The following CNNM2 variants were observed in gnomAD, a reference collection of about 807,000 sequenced individuals.
CNNM2 encodes the protein cyclin and CBS domain divalent metal cation transport mediator 2, also known as metal transporter CNNM2.
CNNM2 carries 12 observed loss-of-function variants against 66.9 expected under a neutral mutation model. The ratio of observed to expected loss-of-function variants is 0.18; its 90% CI spans 0.11 to 0.29. The LOEUF is 0.29. CNNM2 is among the 10% of genes least tolerant of loss of function. The pLI, the probability that CNNM2 is intolerant of heterozygous loss-of-function variation, is 1.00. For missense variants in CNNM2, 705 were observed against 1,167.7 expected (o/e 0.60, Z 5.77); for synonymous variants, 557 against 501.8 (o/e 1.11, Z -1.47).
At chr10:103,073,995 G>A (rs1483814941) in intron 6 of CNNM2, among the ~76,000 whole-genome samples, 1 of 150,880 alleles carries the variant, frequency 6.6e-6, no homozygotes, top group African/African-American at 2.4e-5. Flanking sequence ...GACCTTATAA[G>A]ATGGGTACCA....
At chr10:103,052,556 C>G (rs1472049646) in intron 2 of CNNM2, among the ~76,000 whole-genome samples, 1 of 150,720 alleles carries the variant, frequency 6.6e-6, no homozygotes, top group Non-Finnish European at 1.5e-5. Flanking sequence ...CTCTATTGCC[C>G]AGGCTGGAGT....
chr10:102,982,409 C>T (rs952077062), intron 1 of CNNM2, among the ~76,000 whole-genome samples: 3 of 152,158 alleles, frequency 2.0e-5, no homozygotes, highest in Non-Finnish European at 4.4e-5. Context: ...ATGATTAGAT[C>T]TCAGGAATAG....
chr10:102,957,219 C>T (rs1334654947), intron 1 of CNNM2, among the ~76,000 whole-genome samples: 5 of 152,140 alleles, frequency 3.3e-5, no homozygotes, highest in South Asian at 2.1e-4. Flanking sequence ...GCAGGAGAAT[C>T]GCCTTGTACC....
At chr10:102,982,578 T>G (rs2063734820) in intron 1 of CNNM2, among the ~76,000 whole-genome samples, 1 of 152,244 alleles carries the variant, frequency 6.6e-6, no homozygotes. Flanking sequence ...CTAGCTGCAT[T>G]CCCCTGTGTA....
intron 1 of CNNM2, among the ~76,000 whole-genome samples, chr10:102,984,794 C>T (rs924659110): frequency 6.6e-6 from 1 of 152,088 alleles, no homozygotes; most frequent in African/African-American, 2.4e-5. Context: ...CTACAGGCGC[C>T]TGTCACTACG....
At chr10:102,934,933 C>T (rs987956320) in intron 1 of CNNM2, among the ~76,000 whole-genome samples, 1 of 151,310 alleles carries the variant, frequency 6.6e-6, no homozygotes, top group Non-Finnish European at 1.5e-5. Flanking sequence ...CTGAGGAGGG[C>T]CAATCACCTG....
At chr10:102,989,355 G>A (rs1395955991) in intron 1 of CNNM2, among the ~76,000 whole-genome samples, 1 of 151,880 alleles carries the variant, frequency 6.6e-6, no homozygotes, top group Admixed American at 6.6e-5. Flanking sequence ...AGCTGGGGTC[G>A]TCTTTATTTT....
Position 103,022,795 on chromosome 10 carries a change from G to C in CNNM2, c.1622-26912G>C, listed in dbSNP as rs541417404. Reference sequence around the variant, plus strand: ...TACAGGAAGCATGGCACTGGCATCTGCTCCTGGTGAGGGTCTCAGGAAGTT... The same window carrying C: ...TACAGGAAGCATGGCACTGGCATCTCCTCCTGGTGAGGGTCTCAGGAAGTT... On this transcript the variant is annotated intron_variant, in intron 1 of 7. Transcript: ENST00000369878. 6.6e-5 allele frequency among the ~76,000 whole-genome samples: 10 copies of C among 152,320 alleles called. No individual in the cohort carries two copies. The South Asian group carries it at 1.5e-3, about 22-fold the overall frequency.
At chr10:103,066,892 C>G (rs536758391) in intron 4 of CNNM2, among the ~76,000 whole-genome samples, 73 of 152,144 alleles carry the variant, frequency 4.8e-4, no homozygotes, top group African/African-American at 1.7e-3. Context: ...AGCACCTGCC[C>G]ATTTGCAGGT....
At chr10:103,015,980 C>T (rs989107516) in intron 1 of CNNM2, among the ~76,000 whole-genome samples, 4 of 152,174 alleles carry the variant, frequency 2.6e-5, no homozygotes, top group Admixed American at 2.6e-4. Flanking sequence ...TGCCCCCTTA[C>T]AGCTTTTAAG....
intron 6 of CNNM2, 42 bp from the exon 7 acceptor site, chr10:103,076,044 T>C (rs2065684826): frequency 3.2e-6 from 5 of 1,543,918 alleles, no homozygotes; most frequent in Non-Finnish European, 4.4e-6. Flanking sequence ...ATTGGCTGTA[T>C]CTACTTCACT....
In CNNM2 at chr10:103,054,571, G is replaced by A; in HGVS notation, c.1903+105G>A. The A allele has an allele frequency of 8.6e-7, 1 of 1,157,994 alleles. No individual in the cohort carries two copies. Among genetic ancestry groups the A allele is most frequent in the Non-Finnish European group, 1.2e-6 (1 of 811,134 alleles). The allele number at this position is 1,157,994 out of a possible 1,614,324, so 71.7% of individuals were successfully genotyped here. ...GGGGGTGGACACTGGGAAATGGGGT[G>A]ATAAGTAATGCCACTTTTGTGTTTT... is the stretch of plus-strand genomic sequence containing the variant. On this transcript the variant is annotated intron_variant, in intron 3 of 7. Transcript: ENST00000369878. The surrounding 1 kb of genome is among the most constrained non-coding windows in gnomAD (Gnocchi z 5.2).
At chr10:103,049,096 C>T (rs765466569) in intron 1 of CNNM2, among the ~76,000 whole-genome samples, 9 of 152,128 alleles carry the variant, frequency 5.9e-5, no homozygotes, top group Admixed American at 5.9e-4. Flanking sequence ...TCTTCCCGCC[C>T]GGGCCTCCCA....
rs140278802 is a variant in CNNM2, at chr10:103,034,912, G to A, written c.1622-14795G>A. On this transcript the variant is annotated intron_variant, in intron 1 of 7. Coordinates refer to ENST00000369878, the MANE Select transcript of CNNM2 (RefSeq NM_017649.5). ...ACCCGGGAAGCGGAGCTTGCAGTGA[G>A]CCGAGATTGCGCCACTGCAGTCTGC... Among the ~76,000 whole-genome samples the A allele has an allele frequency of 5.0e-3, 735 of 147,492 alleles. 14 individuals carry two copies. The highest frequency in any genetic ancestry group is 7.6e-3 in the East Asian group (38 of 5,006).
chr10:102,965,667 T>G (rs183045794), intron 1 of CNNM2, among the ~76,000 whole-genome samples: 1 of 152,338 alleles, frequency 6.6e-6, no homozygotes, highest in African/African-American at 2.4e-5. Flanking sequence ...TGTTTGGCCT[T>G]TGTCTACTCT....
intron 1 of CNNM2, among the ~76,000 whole-genome samples, chr10:102,977,032 CA>C (rs1473684020): frequency 2.0e-5 from 3 of 152,008 alleles, no homozygotes; most frequent in Non-Finnish European, 4.4e-5. Flanking sequence ...GTATTGGGTA[CA>C]GGGAGGCTCA....
Position 103,077,287 on chromosome 10 carries a change from T to C in CNNM2, c.*107T>C, listed in dbSNP as rs1395265497. 7 of 972,678 alleles carry C rather than the reference T, an allele frequency of 7.2e-6. No individual in the cohort carries two copies. The highest frequency in any genetic ancestry group is 1.1e-5 in the Non-Finnish European group (7 of 651,444). 60.3% of individuals were successfully genotyped at this position (972,678 alleles called of 1,614,324 possible). A position where few individuals can be genotyped will look rare whatever the true frequency, so the allele number is the denominator to read the frequency against. ...TGAGCTTGTCCGCCATGCTGTACCCTGCAACATCCTGAGACCAAAGACCTT... is the reference window on the plus strand; with the variant it reads ...TGAGCTTGTCCGCCATGCTGTACCCCGCAACATCCTGAGACCAAAGACCTT... On this transcript the variant is annotated 3_prime_UTR_variant, in exon 8 of 8. Coordinates refer to ENST00000369878, the MANE Select transcript of CNNM2 (RefSeq NM_017649.5).
At chr10:103,058,791 C>T (rs548539778) in intron 4 of CNNM2, among the ~76,000 whole-genome samples, 2 of 152,280 alleles carry the variant, frequency 1.3e-5, no homozygotes, top group Non-Finnish European at 2.9e-5. Context: ...TGCAGACAGC[C>T]AGTTACCTAA....
intron 1 of CNNM2, among the ~76,000 whole-genome samples, chr10:102,993,698 C>G (rs981328232): frequency 1.3e-5 from 2 of 152,052 alleles, no homozygotes; most frequent in Non-Finnish European, 2.9e-5. Flanking sequence ...AATTTCTTGA[C>G]TTAAAGGTTT....
Sources: gnomAD v4.1 joint callset for allele counts (sites outside exome capture counted in the v4.1 genomes callset) on GRCh38, gnomAD v4.1.1 for gene constraint, Gnocchi (gnomAD v3.1) non-coding constraint, MANE v1.5 for transcripts, NCBI Gene and HGNC (gene_info 2026-07-23, HGNC 2026-07-21) for gene names.